CD84: variants seen among roughly 807,000 people sequenced by gnomAD.
CD84 encodes CD84 molecule.
A neutral mutation model predicts 33.8 loss-of-function variants in CD84; 22 were observed. That is an observed-to-expected ratio of 0.65 (90% CI 0.46 to 0.93). CD84 has a LOEUF of 0.93. CD84 is among the 40% of genes least tolerant of loss of function. The pLI is 0.00. For missense variants in CD84, 400 were observed against 397.6 expected (o/e 1.01, Z -0.05); for synonymous variants, 154 against 145.2 (o/e 1.06, Z -0.44).
chr1:160,569,517 TACACACAC>T lies in CD84; in HGVS notation c.47-3780_47-3773del, dbSNP rs140655590. On this transcript the variant is annotated intron_variant, in intron 1 of 6. Coordinates refer to ENST00000368054, the MANE Select transcript of CD84 (RefSeq NM_003874.4). ...TTGATACCCGGTTAGGGAAATAAGA[TACACACAC>T]ACACACACACACACACGCACGCACG... 4.3e-4 allele frequency among the ~76,000 whole-genome samples: 64 copies of T among 147,976 alleles called. No individual in the cohort carries two copies. The East Asian group carries it at 9.5e-3, about 22-fold the overall frequency.
At chr1:160,553,005 TA>T (rs1656339397) in intron 4 of CD84, 2 of 571,110 alleles carry the variant, frequency 3.5e-6, no homozygotes, top group African/African-American at 3.7e-5. Context: ...CCAATAGTCA[TA>T]ATCAAAATAC....
chr1:160,552,827 G>T, intron 4 of CD84: 1 of 926,888 alleles, frequency 1.1e-6, no homozygotes, highest in Non-Finnish European at 1.7e-6. Flanking sequence ...GAAGTTCTTG[G>T]GTGGACATGG....
At position 160,554,043 on chromosome 1, in the gene CD84, C is replaced by T. The variant is rs1656433494; in HGVS notation, c.492G>A (p.Val164=). 1 of 1,614,178 alleles carries T rather than the reference C, an allele frequency of 6.2e-7. No individual in the cohort carries two copies. Among genetic ancestry groups the T allele is most frequent in the Non-Finnish European group, 8.5e-7 (1 of 1,180,036 alleles). The change falls in exon 3 of 7, where the codon GTG becomes GTA. Residue 164 remains valine, a synonymous_variant. Coordinates refer to ENST00000368054, the MANE Select transcript of CD84 (RefSeq NM_003874.4). ...CTCCCAGGGGACTCCAATTGTATGT[C>T]ACATTCTTTTCTTCTTTCTCTACAG... ...TCSVEKEEKN[V]TYNWSPLGEE...
rs1316018184 is a variant in CD84 at position 160,541,548 on chromosome 1, T to C, written c.*6708A>G. 6.6e-6 allele frequency: 1 copy of C among 152,164 alleles called. No individual in the cohort carries two copies. The highest frequency in any genetic ancestry group is 1.5e-5 in the Non-Finnish European group (1 of 68,038). The allele number at this position is 152,164 out of a possible 1,614,324, so 9.4% of individuals were successfully genotyped here. On this transcript the variant is annotated 3_prime_UTR_variant, in exon 7 of 7. Coordinates refer to ENST00000368054, the MANE Select transcript of CD84 (RefSeq NM_003874.4). ...GTAAAAGTATAAATAGAGGGCAATATATTTCGCTTTGGACGGGAGGTTTTA... is the reference window on the plus strand; with the variant it reads ...GTAAAAGTATAAATAGAGGGCAATACATTTCGCTTTGGACGGGAGGTTTTA...
rs1326936582 is a variant in CD84, at chr1:160,548,262, C to G, written c.981G>C (p.Val327=). The change falls in exon 7 of 7, where the codon GTG becomes GTC. Residue 327 remains valine (V), a synonymous_variant. Transcript: ENST00000368054. ...GAGAATTCAGCCCAGCAGCCTAGATCACAATTTCATAGCTTGAAGTCCCAG... is the reference window on the plus strand; with the variant it reads ...GAGAATTCAGCCCAGCAGCCTAGATGACAATTTCATAGCTTGAAGTCCCAG... ...KPPGTSSYEI[V]I is the part of the protein sequence containing the mutation. 6.2e-7 allele frequency: 1 copy of G among 1,614,152 alleles called. No homozygotes were observed. The highest frequency in any genetic ancestry group is 8.5e-7 in the Non-Finnish European group (1 of 1,180,004).
At chr1:160,554,203 T>A (rs1656449666) in intron 2 of CD84, 57 bp from the exon 3 acceptor site, 2 of 1,389,176 alleles carry the variant, frequency 1.4e-6, no homozygotes, top group African/African-American at 2.9e-5. Context: ...TACTAGTTTG[T>A]GGGAGCCAAT....
chr1:160,578,968 A>G (rs140875285), intron 1 of CD84, among the ~76,000 whole-genome samples: 276 of 152,266 alleles, frequency 1.8e-3, no homozygotes, highest in Non-Finnish European at 2.6e-3. Context: ...AACCTGATAG[A>G]ACAATCAACT....
chr1:160,576,974 G>T (rs530285677), intron 1 of CD84, among the ~76,000 whole-genome samples: 1 of 152,184 alleles, frequency 6.6e-6, no homozygotes, highest in Non-Finnish European at 1.5e-5. Context: ...ATGTAGAGGG[G>T]GTGGGCAAGG....
At chr1:160,565,872 C>T (rs1474899406) in intron 1 of CD84, 127 bp from the exon 2 acceptor site, 19 of 587,320 alleles carry the variant, frequency 3.2e-5, no homozygotes, top group African/African-American at 2.8e-4. Flanking sequence ...TTGAGGATGC[C>T]TTTTTTTTTT....
intron 2 of CD84, among the ~76,000 whole-genome samples, chr1:160,562,012 G>C (rs1477870786): frequency 1.3e-5 from 2 of 151,938 alleles, no homozygotes; most frequent in African/African-American, 2.4e-5. Context: ...TAGGAATACA[G>C]CTAACAAGGA....
intron 2 of CD84, among the ~76,000 whole-genome samples, 180 bp downstream of exon 2, chr1:160,565,224 G>A (rs1657243606): frequency 6.6e-6 from 1 of 152,056 alleles, no homozygotes; most frequent in Non-Finnish European, 1.5e-5. Flanking sequence ...GCTAAAAACA[G>A]GCAAAGTCAG....
chr1:160,565,631 C>T lies in CD84; in HGVS notation c.161G>A (p.Trp54Ter). ...ATAAGCAACAGATGTTTTAGAAGTCCAAGCAATGATTTTAACTTGCCGTGG... is the reference window on the plus strand; with the variant it reads ...ATAAGCAACAGATGTTTTAGAAGTCTAAGCAATGATTTTAACTTGCCGTGG... ...QEPRQVKIIA[W>*]TSKTSVAYVT... is the part of the protein sequence containing the mutation. The change falls in exon 2 of 7, where the codon TGG (tryptophan) becomes TAG (stop). Residue 54 changes from tryptophan to a stop codon, truncating the protein, a stop_gained. Coordinates refer to ENST00000368054, the MANE Select transcript of CD84 (RefSeq NM_003874.4). LOFTEE classifies it high-confidence loss of function. 1.2e-6 allele frequency: 2 copies of T among 1,613,968 alleles called. No homozygotes were observed. The highest frequency in any genetic ancestry group is 1.7e-5 in the Admixed American group (1 of 59,990).
Position 160,544,789 on chromosome 1 carries a change from C to G in CD84, c.*3467G>C, listed in dbSNP as rs1655729232. On this transcript the variant is annotated 3_prime_UTR_variant, in exon 7 of 7. Coordinates refer to ENST00000368054, the MANE Select transcript of CD84 (RefSeq NM_003874.4). ...AAGAATCATGAGCTGCAACATTCCTCATTTTCTCAGTTGAGTCCCTCAGTA... is the reference window on the plus strand; with the variant it reads ...AAGAATCATGAGCTGCAACATTCCTGATTTTCTCAGTTGAGTCCCTCAGTA... The G allele has an allele frequency of 6.6e-6, 1 of 152,236 alleles. No individual in the cohort carries two copies. The highest frequency in any genetic ancestry group is 2.4e-5 in the African/African-American group (1 of 41,456). 9.4% of individuals were successfully genotyped at this position (152,236 alleles called of 1,614,324 possible).
chr1:160,550,585 G>A lies in CD84; in HGVS notation c.858+353C>T, dbSNP rs16832206. Reference sequence around the variant, plus strand: ...GCCCCCTTAGCAACCTGTTCACCACGTTGGTAGTCACATAGCAGCCCTCAC... The same window carrying A: ...GCCCCCTTAGCAACCTGTTCACCACATTGGTAGTCACATAGCAGCCCTCAC... On this transcript the variant is annotated intron_variant, in intron 5 of 6. Transcript: ENST00000368054. 2,776 of 979,432 alleles carry A rather than the reference G, an allele frequency of 2.8e-3. 64 individuals are homozygous for A. In the African/African-American group the frequency reaches 0.044, roughly 16 times the overall value. 60.7% of individuals were successfully genotyped at this position (979,432 alleles called of 1,614,324 possible). A position where few individuals can be genotyped will look rare whatever the true frequency, so the allele number is the denominator to read the frequency against.
chr1:160,551,216 C>T (rs1321394005), intron 4 of CD84, 181 bp from the exon 5 acceptor site: 7 of 591,866 alleles, frequency 1.2e-5, no homozygotes, highest in East Asian at 9.0e-5. Context: ...GCTGAGGCCT[C>T]ACCCACAGGT....
intron 1 of CD84, among the ~76,000 whole-genome samples, chr1:160,567,413 G>A (rs872408): frequency 0.05 from 7,575 of 152,178 alleles, 643 homozygotes; most frequent in African/African-American, 0.17. Context: ...AGCAGTATCC[G>A]GGACAAGGCC....
At chr1:160,576,920 G>C (rs765892280) in intron 1 of CD84, among the ~76,000 whole-genome samples, 4 of 152,084 alleles carry the variant, frequency 2.6e-5, no homozygotes, top group African/African-American at 4.8e-5. Flanking sequence ...ATAGAAATAC[G>C]AATGGGGCAG....
rs1296361659 is a variant in CD84, at chr1:160,543,532, A to C, written c.*4724T>G. 6.6e-6 allele frequency: 1 copy of C among 151,870 alleles called. No homozygotes were observed. The highest frequency in any genetic ancestry group is 1.9e-4 in the East Asian group (1 of 5,188). The allele number at this position is 151,870 out of a possible 1,614,324, so 9.4% of individuals were successfully genotyped here. A position where few individuals can be genotyped will look rare whatever the true frequency, so the allele number is the denominator to read the frequency against. On this transcript the variant is annotated 3_prime_UTR_variant, in exon 7 of 7. Coordinates refer to ENST00000368054, the MANE Select transcript of CD84 (RefSeq NM_003874.4). ...CAATGTATGAAGCATCTAGTTTAGC[A>C]GTTGGTATACAAAATAAGCCCTCAA...
At chr1:160,552,558 TA>T (rs374040865) in intron 4 of CD84, 10 of 611,986 alleles carry the variant, frequency 1.6e-5, no homozygotes, top group Non-Finnish European at 2.7e-5. Context: ...CTTACAATGA[TA>T]AAAAAACTGG....
Sources: gnomAD v4.1 joint callset for allele counts (sites outside exome capture counted in the v4.1 genomes callset) on GRCh38, gnomAD v4.1.1 for gene constraint, MANE v1.5 for transcripts, NCBI Gene and HGNC (gene_info 2026-07-23, HGNC 2026-07-21) for gene names.